The following RXRA variants were observed in gnomAD, a reference collection of about 807,000 sequenced individuals.
RXRA encodes retinoid X receptor alpha, also known as retinoic acid receptor RXR-alpha.
In RXRA, 5 loss-of-function variants were observed where a neutral mutation model predicts 44.5. The observed-to-expected ratio is 0.11, with a 90% confidence interval of 0.06 to 0.24. The LOEUF is 0.24. Among genes scored for constraint, RXRA ranks in the 10% least tolerant of loss-of-function variants. The pLI is 1.00. For synonymous variants in RXRA, 291 were observed against 271.4 expected (o/e 1.07, Z -0.71); for missense variants, 412 against 646.5 (o/e 0.64, Z 3.93).
At chr9:134,419,615 C>T (rs775190489) in intron 5 of RXRA, among the ~76,000 whole-genome samples, 17 of 152,202 alleles carry the variant, frequency 1.1e-4, no homozygotes, top group Non-Finnish European at 1.9e-4. Context: ...CTCCCCAGCG[C>T]GGGGCAGGGC....
intron 1 of RXRA, among the ~76,000 whole-genome samples, chr9:134,331,206 C>A (rs536145834): frequency 5.3e-5 from 8 of 152,314 alleles, no homozygotes; most frequent in Non-Finnish European, 8.8e-5. Flanking sequence ...GGCGAGGGAC[C>A]GCGGTTTGCA....
At chr9:134,396,040 C>G (rs1054308553) in intron 1 of RXRA, among the ~76,000 whole-genome samples, 4 of 152,200 alleles carry the variant, frequency 2.6e-5, no homozygotes, top group African/African-American at 9.7e-5. Context: ...AGAGCCCACC[C>G]CGCCGAGGGC....
At chr9:134,375,312 T>C (rs1325175080) in intron 1 of RXRA, among the ~76,000 whole-genome samples, 1 of 151,934 alleles carries the variant, frequency 6.6e-6, no homozygotes, top group Non-Finnish European at 1.5e-5. Flanking sequence ...CCTGCTGTCT[T>C]CCTGGCCTGG....
intron 4 of RXRA, among the ~76,000 whole-genome samples, chr9:134,413,635 CA>C (rs1164418405): frequency 6.6e-6 from 1 of 152,216 alleles, no homozygotes; most frequent in East Asian, 1.9e-4. Context: ...TGCCACTACC[CA>C]AGCCAGAGGA....
chr9:134,398,920 G>T (rs533203751), intron 1 of RXRA, among the ~76,000 whole-genome samples: 1 of 152,278 alleles, frequency 6.6e-6, no homozygotes, highest in Non-Finnish European at 1.5e-5. Context: ...GGGCTACCTG[G>T]TGGAGATGGC....
intron 1 of RXRA, among the ~76,000 whole-genome samples, chr9:134,356,654 G>A (rs1830287115): frequency 6.6e-6 from 1 of 152,220 alleles, no homozygotes; most frequent in South Asian, 2.1e-4. Flanking sequence ...CTAGCACTGC[G>A]GTGGCCGTCC....
Position 134,378,842 on chromosome 9 carries a change from G to C in RXRA, c.29-22790G>C, listed in dbSNP as rs150997769. ...TGCAGGAGTCCCGGCAGCTTCAGGA[G>C]CGGCCTCTGGAGCCTGGAGGGCAGG... On this transcript the variant is annotated intron_variant, in intron 1 of 9. Coordinates refer to ENST00000481739, the MANE Select transcript of RXRA (RefSeq NM_002957.6). Among the ~76,000 whole-genome samples the C allele has an allele frequency of 2.0e-5, 3 of 152,316 alleles. No homozygotes were observed. The East Asian group carries it at 5.8e-4, about 29-fold the overall frequency.
At chr9:134,361,021 C>T (rs1348489613) in intron 1 of RXRA, among the ~76,000 whole-genome samples, 2 of 152,222 alleles carry the variant, frequency 1.3e-5, no homozygotes, top group South Asian at 2.1e-4. Context: ...CTGCCCACCT[C>T]GGAGCCCGGA....
At chr9:134,363,433 A>C (rs1472521603) in intron 1 of RXRA, among the ~76,000 whole-genome samples, 1 of 152,198 alleles carries the variant, frequency 6.6e-6, no homozygotes, top group Non-Finnish European at 1.5e-5. Flanking sequence ...CTGGTTTCTC[A>C]TCTAAAGCCC....
At chr9:134,344,201 C>G (rs1432891136) in intron 1 of RXRA, among the ~76,000 whole-genome samples, 3 of 152,210 alleles carry the variant, frequency 2.0e-5, no homozygotes, top group African/African-American at 7.2e-5. Context: ...GGTCTGCCCC[C>G]ACCCTGCCCT....
intron 6 of RXRA, chr9:134,422,687 C>T: frequency 1.0e-6 from 1 of 985,380 alleles, no homozygotes. Context: ...GGGACACTCC[C>T]CCGTCCTGGG....
intron 1 of RXRA, among the ~76,000 whole-genome samples, chr9:134,338,012 C>T (rs142701077): frequency 2.6e-5 from 4 of 152,324 alleles, no homozygotes; most frequent in Non-Finnish European, 4.4e-5. Flanking sequence ...GAGGATGCGA[C>T]AGGCAGGTCC....
chr9:134,347,689 G>T (rs1425430297), intron 1 of RXRA, among the ~76,000 whole-genome samples: 1 of 152,222 alleles, frequency 6.6e-6, no homozygotes, highest in Non-Finnish European at 1.5e-5. Flanking sequence ...AGGAGCAGCC[G>T]GTGGGGAGGT....
chr9:134,388,232 G>C lies in RXRA; in HGVS notation c.29-13400G>C, dbSNP rs566206722. Reference sequence around the variant, plus strand: ...GTCAGGGGTCCTAGGCTGTTAGACTGTGCTCTTCGTCAGGGTTGGGGGATG... The same window carrying C: ...GTCAGGGGTCCTAGGCTGTTAGACTCTGCTCTTCGTCAGGGTTGGGGGATG... On this transcript the variant is annotated intron_variant, in intron 1 of 9. Transcript: ENST00000481739. 7.9e-5 allele frequency among the ~76,000 whole-genome samples: 12 copies of C among 152,008 alleles called. 1 individual carries two copies. The highest frequency in any genetic ancestry group is 2.6e-4 in the Admixed American group (4 of 15,276).
intron 1 of RXRA, among the ~76,000 whole-genome samples, chr9:134,330,750 T>G (rs1476911375): frequency 6.6e-6 from 1 of 152,220 alleles, no homozygotes; most frequent in Non-Finnish European, 1.5e-5. Context: ...TCAGGCCACC[T>G]GGGGTTGGGC....
At chr9:134,363,788 G>A (rs1830381914) in intron 1 of RXRA, among the ~76,000 whole-genome samples, 1 of 152,224 alleles carries the variant, frequency 6.6e-6, no homozygotes, top group Admixed American at 6.5e-5. Context: ...CCCAGGGCCG[G>A]AGGTGCGACC....
chr9:134,406,844 G>A (rs756214312), intron 2 of RXRA, among the ~76,000 whole-genome samples: 31 of 152,246 alleles, frequency 2.0e-4, no homozygotes, highest in Non-Finnish European at 4.0e-4. Flanking sequence ...CCCAGGCACC[G>A]CACCCCTCTG....
rs567020958 is a variant in RXRA at position 134,376,952 on chromosome 9, G to A, written c.29-24680G>A. Among the ~76,000 whole-genome samples, 5 of 152,278 alleles carry A rather than the reference G, an allele frequency of 3.3e-5. No homozygotes were observed. The South Asian group carries it at 6.2e-4, about 19-fold the overall frequency. On this transcript the variant is annotated intron_variant, in intron 1 of 9. Transcript: ENST00000481739. ...GTCGCTGGGCTGACCTCTGGGCCAC[G>A]TGTTCACTGGCTGAGTGTGCGATTG...
intron 1 of RXRA, among the ~76,000 whole-genome samples, chr9:134,350,159 G>T (rs1188572292): frequency 1.3e-5 from 2 of 152,134 alleles, no homozygotes; most frequent in African/African-American, 2.4e-5. Flanking sequence ...TAAACAGCCT[G>T]TCTGGGGCCG....
Sources: gnomAD v4.1 joint callset for allele counts (sites outside exome capture counted in the v4.1 genomes callset) on GRCh38, gnomAD v4.1.1 for gene constraint, MANE v1.5 for transcripts, NCBI Gene and HGNC (gene_info 2026-07-23, HGNC 2026-07-21) for gene names.